Variants in ARHGEF28 observed in about 807,000 individuals in gnomAD.
ARHGEF28 encodes Rho guanine nucleotide exchange factor 28, also known as 190 kDa guanine nucleotide exchange factor.
ARHGEF28 carries 152 observed loss-of-function variants against 206.6 expected under a neutral mutation model. The observed-to-expected ratio is 0.74, with a 90% CI of 0.64 to 0.84. ARHGEF28 has a LOEUF of 0.84. Ranked by LOEUF, ARHGEF28 falls within the 40% of genes least tolerant of loss-of-function variation. The pLI is 0.00. For synonymous variants in ARHGEF28, 763 were observed against 776.4 expected (o/e 0.98, Z 0.29); for missense variants, 2,028 against 2,073.2 (o/e 0.98, Z 0.42).
In ARHGEF28 at chr5:73,675,407, G is replaced by A. The variant is rs576584333; in HGVS notation, c.-11-9434G>A. ...GCAGTGGTGGAAAAAAGACTTGCCTGAGGTTCCATTGTGTGAAAATGAAAA... is the reference window on the plus strand; with the variant it reads ...GCAGTGGTGGAAAAAAGACTTGCCTAAGGTTCCATTGTGTGAAAATGAAAA... On this transcript the variant is annotated intron_variant, in intron 1 of 35. Transcript: ENST00000513042. Among the ~76,000 whole-genome samples, 35 of 152,238 alleles carry A rather than the reference G, an allele frequency of 2.3e-4. 1 individual carries two copies. The highest frequency in any genetic ancestry group is 1.2e-3 in the Admixed American group (19 of 15,280).
At chr5:73,896,017 T>C (rs1222869173) in intron 29 of ARHGEF28, among the ~76,000 whole-genome samples, 1 of 152,194 alleles carries the variant, frequency 6.6e-6, no homozygotes, top group East Asian at 1.9e-4. Context: ...AGCATCTATC[T>C]TGTACTGTTG....
At chr5:73,662,212 G>A (rs181660753) in intron 1 of ARHGEF28, among the ~76,000 whole-genome samples, 129 of 152,276 alleles carry the variant, frequency 8.5e-4, no homozygotes, top group Non-Finnish European at 1.5e-3. Flanking sequence ...GTAAAACTTA[G>A]CATTTAGTTT....
intron 14 of ARHGEF28, among the ~76,000 whole-genome samples, chr5:73,857,419 T>C (rs769739419): frequency 2.6e-5 from 4 of 152,180 alleles, no homozygotes; most frequent in Non-Finnish European, 5.9e-5. Flanking sequence ...CCACCACCTA[T>C]GTTCTATAAT....
intron 33 of ARHGEF28, among the ~76,000 whole-genome samples, chr5:73,905,750 T>A (rs1341475166): frequency 6.6e-6 from 1 of 152,242 alleles, no homozygotes; most frequent in Non-Finnish European, 1.5e-5. Context: ...AGGACATCCT[T>A]GTGTACTCAT....
At position 73,752,947 on chromosome 5, in the gene ARHGEF28, C is replaced by T. The variant is rs1752095643; in HGVS notation, c.220C>T (p.Leu74Phe). 8.1e-6 allele frequency: 13 copies of T among 1,613,886 alleles called. No individual in the cohort carries two copies. Among genetic ancestry groups the T allele is most frequent in the Non-Finnish European group, 1.0e-5 (12 of 1,179,862 alleles). Residue 74 changes from leucine to phenylalanine, a missense_variant, in exon 4 of 36, where the codon CTC (leucine) becomes TTC (phenylalanine). Coordinates refer to ENST00000513042, the MANE Select transcript of ARHGEF28 (RefSeq NM_001177693.2). ...LQETVTVSVC[L>F]CSEGYSPVTM... The stretch of plus-strand genomic sequence containing the variant: ...GGAGACGGTGACGGTATCTGTGTGC[C>T]TCTGCTCGGAAGGTTACTCTCCGGT...
chr5:73,678,230 A>G (rs1391680356), intron 1 of ARHGEF28, among the ~76,000 whole-genome samples: 1 of 152,188 alleles, frequency 6.6e-6, no homozygotes, highest in African/African-American at 2.4e-5. Flanking sequence ...CAATTAGTCT[A>G]TGAAATTCTA....
chr5:73,778,684 TA>T (rs1418136866), intron 6 of ARHGEF28, among the ~76,000 whole-genome samples: 1 of 152,230 alleles, frequency 6.6e-6, no homozygotes, highest in Non-Finnish European at 1.5e-5. Context: ...AAAGGGATTC[TA>T]TTGTATTCTT....
At chr5:73,685,319 T>TG (rs978990469) in intron 2 of ARHGEF28, among the ~76,000 whole-genome samples, 6 of 152,006 alleles carry the variant, frequency 3.9e-5, no homozygotes, top group South Asian at 2.1e-4. Flanking sequence ...GAGTTGGCGC[T>TG]GGGGGGGACA....
At chr5:73,880,518 G>A (rs547836236) in intron 22 of ARHGEF28, among the ~76,000 whole-genome samples, 5 of 152,214 alleles carry the variant, frequency 3.3e-5, no homozygotes, top group African/African-American at 4.8e-5. Flanking sequence ...CGTCTTCTGC[G>A]TTGCTCACGC....
chr5:73,713,407 A>T (rs193061637), intron 2 of ARHGEF28, among the ~76,000 whole-genome samples: 9 of 152,324 alleles, frequency 5.9e-5, no homozygotes, highest in African/African-American at 1.9e-4. Context: ...TATTAAATCC[A>T]AGATGATGTC....
intron 1 of ARHGEF28, among the ~76,000 whole-genome samples, chr5:73,638,624 A>G (rs1010356727): frequency 3.9e-5 from 6 of 152,210 alleles, no homozygotes; most frequent in African/African-American, 1.4e-4. Context: ...TTGTGAATAT[A>G]GTGAGTACAT....
intron 2 of ARHGEF28, among the ~76,000 whole-genome samples, chr5:73,742,067 C>T (rs1751466982): frequency 6.6e-6 from 1 of 152,120 alleles, no homozygotes; most frequent in Non-Finnish European, 1.5e-5. Context: ...TGAAAGATTT[C>T]TCTTTCCCTA....
chr5:73,857,688 T>C lies in ARHGEF28; in HGVS notation c.1823T>C (p.Ile608Thr). 1 of 1,597,856 alleles carries C rather than the reference T, an allele frequency of 6.3e-7. No individual in the cohort carries two copies. Among genetic ancestry groups the C allele is most frequent in the Non-Finnish European group, 8.5e-7 (1 of 1,171,102 alleles). The change falls in exon 15 of 36, where the codon ATA becomes ACA. Residue 608 changes from isoleucine (I) to threonine (T), a missense_variant. Physicochemically the swap from Ile to Thr is moderately conservative, Grantham distance 89. Coordinates refer to ENST00000513042, the MANE Select transcript of ARHGEF28 (RefSeq NM_001177693.2). ...IQEEEWDKYI[I>T]PAKSESEKYK... ...GAAGAAGAATGGGATAAATACATCA[T>C]ACCTGCCAAATCAGAGTCTGAAAAA...
intron 1 of ARHGEF28, among the ~76,000 whole-genome samples, chr5:73,629,170 C>T (rs1364644830): frequency 2.6e-5 from 4 of 151,984 alleles, no homozygotes; most frequent in Admixed American, 6.6e-5. Context: ...GTTGCATTTT[C>T]GGAGTAGACT....
intron 22 of ARHGEF28, among the ~76,000 whole-genome samples, chr5:73,873,935 G>T (rs1760271947): frequency 6.6e-6 from 1 of 152,096 alleles, no homozygotes; most frequent in Non-Finnish European, 1.5e-5. Context: ...GTTCAGTTTT[G>T]TAAGAAACTG....
At chr5:73,664,698 C>T (rs781685567) in intron 1 of ARHGEF28, among the ~76,000 whole-genome samples, 8 of 152,100 alleles carry the variant, frequency 5.3e-5, no homozygotes, top group South Asian at 2.1e-4. Context: ...AGTTTCTGTT[C>T]GAAAATAAGT....
chr5:73,753,071 A>T lies in ARHGEF28; in HGVS notation c.344A>T (p.His115Leu). The change falls in exon 4 of 36, where the codon CAC becomes CTC. Residue 115 changes from histidine to leucine, a missense_variant. Coordinates refer to ENST00000513042, the MANE Select transcript of ARHGEF28 (RefSeq NM_001177693.2). ...TQANRLTACS[H>L]QTLLTPFALT... ...GCCAATCGCCTCACAGCCTGCAGCC[A>T]CCAGACCCTGCTGACCCCATTTGCC... is the stretch of plus-strand genomic sequence containing the variant. 1 of 1,610,372 alleles carries T rather than the reference A, an allele frequency of 6.2e-7. No homozygotes were observed. The highest frequency in any genetic ancestry group is 8.5e-7 in the Non-Finnish European group (1 of 1,178,310).
intron 35 of ARHGEF28, among the ~76,000 whole-genome samples, chr5:73,922,761 A>G (rs1179702152): frequency 6.6e-6 from 1 of 152,204 alleles, no homozygotes; most frequent in Non-Finnish European, 1.5e-5. Flanking sequence ...TAAAGAAACT[A>G]AAGGTTTTCA....
At chr5:73,839,943 TC>T (rs1234061715) in intron 10 of ARHGEF28, among the ~76,000 whole-genome samples, 3 of 152,164 alleles carry the variant, frequency 2.0e-5, no homozygotes, top group Admixed American at 6.5e-5. Context: ...TCTTTAGTTT[TC>T]TCCTCAAGTA....
Sources: allele counts gnomAD v4.1 joint callset (sites outside exome capture counted in the v4.1 genomes callset), GRCh38; gene constraint gnomAD v4.1.1; transcripts MANE v1.5; gene names NCBI Gene and HGNC (gene_info 2026-07-23, HGNC 2026-07-21).